The following TRDN variants were observed in gnomAD, a reference collection of about 807,000 sequenced individuals.
TRDN encodes triadin.
In TRDN, 161 loss-of-function variants were observed where a neutral mutation model predicts 149.7. That is an observed-to-expected ratio of 1.08 (90% CI 0.95 to 1.23). TRDN has a LOEUF of 1.23. TRDN is among the 50% of genes most tolerant of loss of function. TRDN has a pLI of 0.00. For synonymous variants in TRDN, 294 were observed against 250.5 expected (o/e 1.17, Z -1.64); for missense variants, 896 against 823.5 (o/e 1.09, Z -1.08).
chr6:123,500,404 C>G (rs1778647859), intron 8 of TRDN, among the ~76,000 whole-genome samples: 1 of 152,058 alleles, frequency 6.6e-6, no homozygotes, highest in South Asian at 2.1e-4. Context: ...TCTGCTTAAC[C>G]TATCTAAGAA....
chr6:123,267,179 C>G (rs983186388), intron 32 of TRDN, among the ~76,000 whole-genome samples: 1 of 147,846 alleles, frequency 6.8e-6, no homozygotes, highest in Non-Finnish European at 1.5e-5. Flanking sequence ...GTAGAATTTA[C>G]CAAAAGAGAG....
intron 8 of TRDN, among the ~76,000 whole-genome samples, chr6:123,500,451 T>G (rs1409859690): frequency 6.6e-6 from 1 of 152,208 alleles, no homozygotes; most frequent in Non-Finnish European, 1.5e-5. Flanking sequence ...TTGAAAGATT[T>G]GTGTTCTAAA....
intron 24 of TRDN, among the ~76,000 whole-genome samples, chr6:123,283,872 T>C (rs1317660328): frequency 6.7e-6 from 1 of 148,678 alleles, no homozygotes; most frequent in Non-Finnish European, 1.5e-5. Flanking sequence ...AAATGTCTGA[T>C]AGAATTCTGC....
chr6:123,444,524 C>A (rs1212660227), intron 10 of TRDN, among the ~76,000 whole-genome samples: 1 of 150,574 alleles, frequency 6.6e-6, no homozygotes, highest in Non-Finnish European at 1.5e-5. Flanking sequence ...CCTTCTCCTG[C>A]CTAATTGCCC....
chr6:123,424,831 G>C (rs949184063), intron 12 of TRDN, among the ~76,000 whole-genome samples: 8 of 152,090 alleles, frequency 5.3e-5, no homozygotes, highest in African/African-American at 1.9e-4. Context: ...CCTCTGTAAA[G>C]GTGGAAACAG....
At chr6:123,457,774 C>G (rs1776216396) in intron 10 of TRDN, among the ~76,000 whole-genome samples, 1 of 152,042 alleles carries the variant, frequency 6.6e-6, no homozygotes, top group Admixed American at 6.6e-5. Context: ...GTCTAAAATT[C>G]TAAGAAAAAA....
chr6:123,274,584 T>A, intron 27 of TRDN, 57 bp downstream of exon 27: 1 of 1,492,546 alleles, frequency 6.7e-7, no homozygotes, highest in South Asian at 1.2e-5. Context: ...CTTTTAGTAC[T>A]TAATAAAATA....
chr6:123,377,725 C>G lies in TRDN; in HGVS notation c.1237G>C (p.Glu413Gln). ...CAGTGGTCTTACTCACCTGAGTGTT[C>G]TTTCTTTGGTGACTTTGCTGTATCA... Reference protein sequence around the residue: ...HVEPAKSPKKEHSVPSDKQVK... With the variant: ...HVEPAKSPKKQHSVPSDKQVK... Residue 413 changes from glutamate (E) to glutamine (Q), a missense_variant, in exon 18 of 41, where the codon GAA (glutamate) becomes CAA (glutamine). By Grantham distance (29) the Glu-to-Gln change is conservative (BLOSUM62 2). Transcript: ENST00000334268. 1 of 1,612,962 alleles carries G rather than the reference C, an allele frequency of 6.2e-7. No individual in the cohort carries two copies. The highest frequency in any genetic ancestry group is 1.1e-5 in the South Asian group (1 of 91,016).
intron 1 of TRDN, among the ~76,000 whole-genome samples, chr6:123,590,730 T>C (rs1379431503): frequency 6.6e-6 from 1 of 152,004 alleles, no homozygotes; most frequent in Non-Finnish European, 1.5e-5. Context: ...CCCATTCTAC[T>C]CCAGCCTGGG....
chr6:123,259,587 C>T lies in TRDN; in HGVS notation c.1870+37G>A, dbSNP rs371006694. 296 of 1,368,404 alleles carry T rather than the reference C, an allele frequency of 2.2e-4. 1 individual carries two copies. The African/African-American group carries it at 3.9e-3, about 18-fold the overall frequency. The allele number at this position is 1,368,404 out of a possible 1,614,324, so 84.8% of individuals were successfully genotyped here. The stretch of plus-strand genomic sequence containing the variant: ...GTTTTTTGTTCCTCTGTTTTTGTGG[C>T]TAATTTGATGTATATGTCTTAAAAT... On this transcript the variant is annotated intron_variant, in intron 35 of 40. Coordinates refer to ENST00000334268, the MANE Select transcript of TRDN (RefSeq NM_006073.4).
chr6:123,517,349 C>T (rs910515941), intron 5 of TRDN, among the ~76,000 whole-genome samples: 1 of 151,976 alleles, frequency 6.6e-6, no homozygotes, highest in Non-Finnish European at 1.5e-5. Context: ...ATTATTATAC[C>T]TATCATAATA....
At chr6:123,554,561 A>G (rs990446875) in intron 2 of TRDN, among the ~76,000 whole-genome samples, 1 of 152,146 alleles carries the variant, frequency 6.6e-6, no homozygotes, top group Non-Finnish European at 1.5e-5. Context: ...ATTATGTGTC[A>G]TTTAATATGC....
chr6:123,393,432 G>T (rs1020494613), intron 13 of TRDN, among the ~76,000 whole-genome samples, 192 bp downstream of exon 13: 41 of 151,946 alleles, frequency 2.7e-4, no homozygotes, highest in Non-Finnish European at 7.4e-5. Flanking sequence ...TGCAAATTTG[G>T]CATTACTCTC....
At chr6:123,404,950 G>C (rs1304210176) in intron 12 of TRDN, among the ~76,000 whole-genome samples, 1 of 152,172 alleles carries the variant, frequency 6.6e-6, no homozygotes, top group Non-Finnish European at 1.5e-5. Context: ...CCCAATGTTA[G>C]GCATGCAGAT....
chr6:123,588,762 C>T (rs114426137), intron 1 of TRDN, among the ~76,000 whole-genome samples: 107 of 152,216 alleles, frequency 7.0e-4, no homozygotes, highest in African/African-American at 2.3e-3. Context: ...AAAGTTTTAT[C>T]GGGCAGGGCT....
At chr6:123,389,356 G>C (rs754103799) in intron 13 of TRDN, 3 of 152,086 alleles carry the variant, frequency 2.0e-5, no homozygotes, top group Non-Finnish European at 4.4e-5. Context: ...ATTCCAGTAT[G>C]GTAATCTCAC....
intron 38 of TRDN, among the ~76,000 whole-genome samples, chr6:123,240,705 T>C (rs1221595385): frequency 2.0e-5 from 3 of 151,926 alleles, no homozygotes; most frequent in Non-Finnish European, 4.4e-5. Flanking sequence ...TAAAGACTTG[T>C]TCTATAACTA....
intron 31 of TRDN, among the ~76,000 whole-genome samples, chr6:123,269,529 T>C (rs543581635): frequency 1.2e-3 from 175 of 151,954 alleles, no homozygotes; most frequent in Non-Finnish European, 1.7e-3. Flanking sequence ...GGATTCCCTC[T>C]TTTAATATTA....
chr6:123,429,842 T>A (rs1583008965), intron 12 of TRDN, among the ~76,000 whole-genome samples: 1 of 152,320 alleles, frequency 6.6e-6, no homozygotes, highest in East Asian at 1.9e-4. Context: ...ATAATTTATC[T>A]AACGTGTGCA....
Sources: gnomAD v4.1 joint callset for allele counts (sites outside exome capture counted in the v4.1 genomes callset) on GRCh38, gnomAD v4.1.1 for gene constraint, MANE v1.5 for transcripts, NCBI Gene and HGNC (gene_info 2026-07-23, HGNC 2026-07-21) for gene names.